Variants in SEMA3A observed in about 807,000 individuals in gnomAD.
SEMA3A encodes the protein semaphorin 3A, also known as semaphorin-3A.
SEMA3A carries 29 observed loss-of-function variants against 97.9 expected under a neutral mutation model. That is an observed-to-expected ratio of 0.30 (90% CI 0.22 to 0.40). The LOEUF (loss-of-function observed/expected upper bound fraction) is 0.40, where lower values mean the gene tolerates loss of function less well. Among genes scored for constraint, SEMA3A ranks in the 10% least tolerant of loss-of-function variants. The probability of loss-of-function intolerance (pLI) is 1.00; values close to 1 mark genes in which losing one functional copy is unlikely to be tolerated. For synonymous variants in SEMA3A, 321 were observed against 323.7 expected, an observed-to-expected ratio of 0.99 and a Z score of 0.09; for missense variants, 763 against 951.3, an observed-to-expected ratio of 0.80 and a Z score of 2.60.
chr7:84,259,678 C>T (rs1330494660), intron 3 of SEMA3A, among the ~76,000 whole-genome samples: 2 of 151,720 alleles, frequency 1.3e-5, no homozygotes, highest in Admixed American at 6.6e-5. Flanking sequence ...TAAGATTAAA[C>T]GTTGCCCAGG....
At chr7:84,349,041 A>G (rs976831194) in intron 2 of SEMA3A, among the ~76,000 whole-genome samples, 1 of 152,148 alleles carries the variant, frequency 6.6e-6, no homozygotes. Flanking sequence ...GTGTGTGTGT[A>G]CATGTGTGAG....
At chr7:84,402,096 C>G (rs1260429313) in intron 1 of SEMA3A, among the ~76,000 whole-genome samples, 1 of 152,026 alleles carries the variant, frequency 6.6e-6, no homozygotes, top group African/African-American at 2.4e-5. Flanking sequence ...ACTATCCACC[C>G]AACAAAGAGT....
At chr7:84,202,995 T>G (rs564466275) in intron 3 of SEMA3A, among the ~76,000 whole-genome samples, 1 of 152,188 alleles carries the variant, frequency 6.6e-6, no homozygotes, top group Non-Finnish European at 1.5e-5. Flanking sequence ...TCTTCTCTAT[T>G]CTTCTAGAAG....
At chr7:84,113,599 A>C (rs1795337117) in intron 3 of SEMA3A, among the ~76,000 whole-genome samples, 1 of 152,172 alleles carries the variant, frequency 6.6e-6, no homozygotes, top group Admixed American at 6.6e-5. Flanking sequence ...GCACTGGAGG[A>C]TTTACAATGT....
chr7:84,162,697 T>C (rs909994353), intron 1 of SEMA3A, among the ~76,000 whole-genome samples: 4 of 152,156 alleles, frequency 2.6e-5, no homozygotes, highest in African/African-American at 9.7e-5. Flanking sequence ...GAGTCATTAC[T>C]GTTAACTTAC....
At chr7:84,424,488 A>T (rs1248438984) in intron 1 of SEMA3A, among the ~76,000 whole-genome samples, 1 of 85,294 alleles carries the variant, frequency 1.2e-5, no homozygotes, top group Non-Finnish European at 2.2e-5. Context: ...TAATATATTG[A>T]TATATAATAT....
At chr7:84,350,579 G>C (rs923336592) in intron 2 of SEMA3A, among the ~76,000 whole-genome samples, 15 of 152,020 alleles carry the variant, frequency 9.9e-5, no homozygotes, top group Non-Finnish European at 1.5e-4. Context: ...TCTTGTATGT[G>C]AAGATGTGTT....
At chr7:84,287,326 A>G (rs1349088270) in intron 3 of SEMA3A, among the ~76,000 whole-genome samples, 1 of 152,174 alleles carries the variant, frequency 6.6e-6, no homozygotes, top group East Asian at 1.9e-4. Flanking sequence ...ATCAAAAAAC[A>G]TCACTCCCAT....
At chr7:84,115,335 C>G (rs1488623614) in intron 3 of SEMA3A, among the ~76,000 whole-genome samples, 1 of 152,020 alleles carries the variant, frequency 6.6e-6, no homozygotes, top group East Asian at 1.9e-4. Flanking sequence ...CCCAATTTGA[C>G]TGCTCTTTCC....
intron 3 of SEMA3A, among the ~76,000 whole-genome samples, chr7:84,256,444 T>C (rs2115638116): frequency 6.6e-6 from 1 of 151,854 alleles, no homozygotes; most frequent in Non-Finnish European, 1.5e-5. Flanking sequence ...CAATCATTAT[T>C]TTATCTAAAA....
At position 84,364,359 on chromosome 7, in the gene SEMA3A, C is replaced by T. The variant is rs541678688; in HGVS notation, c.-169+7465G>A. 7.9e-5 allele frequency among the ~76,000 whole-genome samples: 12 copies of T among 151,592 alleles called. No individual in the cohort carries two copies. The South Asian group carries it at 1.2e-3, about 16-fold the overall frequency. On this transcript the variant is annotated intron_variant, in intron 2 of 3. Coordinates refer to the SEMA3A transcript ENST00000424555. ...AATACAGAGACACAAATATATAAAA[C>T]GATTTTTTCAAATAAAACTTTTAAT...
chr7:84,481,801 A>G (rs1187039883), intron 1 of SEMA3A, among the ~76,000 whole-genome samples: 1 of 151,900 alleles, frequency 6.6e-6, no homozygotes, highest in East Asian at 1.9e-4. Context: ...TAATTATTTA[A>G]TTTGTGATAA....
intron 4 of SEMA3A, among the ~76,000 whole-genome samples, chr7:84,075,176 CT>C (rs201373532): frequency 0.072 from 10,086 of 139,646 alleles, 377 homozygotes; most frequent in East Asian, 0.19. Context: ...TTGACTTCAA[CT>C]TTTTTTTTTT....
At chr7:84,264,659 T>C (rs866005382) in intron 3 of SEMA3A, among the ~76,000 whole-genome samples, 3 of 152,194 alleles carry the variant, frequency 2.0e-5, no homozygotes, top group African/African-American at 7.2e-5. Context: ...GCCACATTCA[T>C]GCCTAGAAAA....
chr7:83,964,244 A>G (rs1411835616), intron 15 of SEMA3A, among the ~76,000 whole-genome samples: 1 of 152,146 alleles, frequency 6.6e-6, no homozygotes, highest in African/African-American at 2.4e-5. Flanking sequence ...ATCTTGCATA[A>G]TCCTGTTTCC....
chr7:84,185,633 G>C (rs1384188330), intron 1 of SEMA3A, among the ~76,000 whole-genome samples: 1 of 144,866 alleles, frequency 6.9e-6, no homozygotes, highest in African/African-American at 2.6e-5. Flanking sequence ...GGAGGTTACA[G>C]TGAGCAGAGA....
intron 1 of SEMA3A, among the ~76,000 whole-genome samples, chr7:84,457,850 G>A (rs1198465770): frequency 6.6e-6 from 1 of 151,954 alleles, no homozygotes; most frequent in Non-Finnish European, 1.5e-5. Context: ...CTTTTGTTAT[G>A]TAGCTATGAA....
intron 3 of SEMA3A, among the ~76,000 whole-genome samples, chr7:84,225,666 A>C (rs1379810455): frequency 1.3e-5 from 2 of 152,082 alleles, no homozygotes; most frequent in Non-Finnish European, 2.9e-5. Flanking sequence ...CCGAGGGCCA[A>C]ATGTAAATTC....
At chr7:84,139,771 T>C (rs1461187862) in intron 1 of SEMA3A, among the ~76,000 whole-genome samples, 2 of 152,074 alleles carry the variant, frequency 1.3e-5, no homozygotes, top group Non-Finnish European at 2.9e-5. Context: ...AAGATTCTTA[T>C]ATGTAAAGTC....
Sources: allele counts gnomAD v4.1 joint callset (sites outside exome capture counted in the v4.1 genomes callset), GRCh38; gene constraint gnomAD v4.1.1; transcripts MANE v1.5; gene names NCBI Gene and HGNC (gene_info 2026-07-23, HGNC 2026-07-21).